CACNA1C: variants seen among roughly 807,000 people sequenced by gnomAD.
The protein encoded by CACNA1C is calcium voltage-gated channel subunit alpha1 C.
In CACNA1C, 30 loss-of-function variants were observed where a neutral mutation model predicts 229.0. The observed-to-expected ratio is 0.13, with a 90% CI of 0.10 to 0.18. The LOEUF (loss-of-function observed/expected upper bound fraction) is 0.18. CACNA1C is among the 10% of genes least tolerant of loss of function. The probability of loss-of-function intolerance (pLI) is 1.00; values close to 1 mark genes in which losing one functional copy is unlikely to be tolerated. For synonymous variants in CACNA1C, 1,114 were observed against 1,132.5 expected (o/e 0.98, Z 0.33); for missense variants, 1,658 against 2,845.0 (o/e 0.58, Z 9.49).
At chr12:2,522,289 A>G (rs1343089404) in intron 9 of CACNA1C, among the ~76,000 whole-genome samples, 2 of 151,084 alleles carry the variant, frequency 1.3e-5, no homozygotes, top group African/African-American at 4.9e-5. Flanking sequence ...CTTCTTATTC[A>G]CTCTCCCACT....
At position 2,410,544 on chromosome 12, in the gene CACNA1C, G is replaced by A. The variant is rs891787318; in HGVS notation, c.478-38432G>A. Among the ~76,000 whole-genome samples, 1 of 152,222 alleles carries A rather than the reference G, an allele frequency of 6.6e-6. No individual in the cohort carries two copies. The highest frequency in any genetic ancestry group is 2.4e-5 in the African/African-American group (1 of 41,464). ...TAAATGAGGAAAAAATATGCTTGGA[G>A]TAAAAAGCATCTGGACCCTGTGCAT... On this transcript the variant is annotated intron_variant, in intron 3 of 46. Coordinates refer to ENST00000399655, the MANE Select transcript of CACNA1C (RefSeq NM_000719.7). The surrounding 1 kb of genome is among the most constrained non-coding windows in gnomAD (Gnocchi z 5.3).
At chr12:2,650,321 G>A (rs2094819366) in intron 31 of CACNA1C, among the ~76,000 whole-genome samples, 1 of 152,200 alleles carries the variant, frequency 6.6e-6, no homozygotes, top group Non-Finnish European at 1.5e-5. Context: ...AGGCAGCGCA[G>A]TTAGAAGGGC....
At position 2,410,750 on chromosome 12, in the gene CACNA1C, A is replaced by G. The variant is rs1178200504; in HGVS notation, c.478-38226A>G. The stretch of plus-strand genomic sequence containing the variant: ...TGTGTGTGTGTGCATGCGTGTGTGT[A>G]TTCCAGGAGCTGACTCTAGTTGTCA... On this transcript the variant is annotated intron_variant, in intron 3 of 46. Transcript: ENST00000399655. The surrounding 1 kb of genome is among the most constrained non-coding windows in gnomAD (Gnocchi z 5.3). Among the ~76,000 whole-genome samples, 1 of 140,288 alleles carries G rather than the reference A, an allele frequency of 7.1e-6. No homozygotes were observed. Among genetic ancestry groups the G allele is most frequent in the South Asian group, 2.2e-4 (1 of 4,446 alleles). 92.0% of individuals were successfully genotyped at this position (140,288 alleles called of 152,430 possible).
chr12:2,009,068 G>C (rs918192685), intron 1 of CACNA1C, among the ~76,000 whole-genome samples: 6 of 152,178 alleles, frequency 3.9e-5, no homozygotes, highest in Admixed American at 6.5e-5. Flanking sequence ...TTGGCGCCCA[G>C]AGTGCTGGCG....
In CACNA1C at chr12:2,602,630, TTGTGTGTGTGTGTGTGTG is replaced by T. The variant is rs3062140; in HGVS notation, c.2960+693_2960+710del. ...GTGTGTGACTGTGTATATTTGTGTC[TTGTGTGTGTGTGTGTGTG>T]TGTGTGTGTGTGTGTGTGTGTGAGT... On this transcript the variant is annotated intron_variant, in intron 22 of 46. Transcript: ENST00000399655. The surrounding 1 kb of genome is among the most constrained non-coding windows in gnomAD (Gnocchi z 4.4). 2.9e-4 allele frequency among the ~76,000 whole-genome samples: 41 copies of T among 140,914 alleles called. No homozygotes were observed. The highest frequency in any genetic ancestry group is 9.9e-4 in the African/African-American group (36 of 36,232). The allele number at this position is 140,914 out of a possible 152,430, so 92.4% of individuals were successfully genotyped here. A position where few individuals can be genotyped will look rare whatever the true frequency, so the allele number is the denominator to read the frequency against.
intron 5 of CACNA1C, among the ~76,000 whole-genome samples, chr12:2,475,242 T>C (rs993352300): frequency 2.0e-5 from 3 of 151,110 alleles, no homozygotes; most frequent in African/African-American, 7.3e-5. Flanking sequence ...GAGCTTGCAG[T>C]GAGCCGAGAT....
intron 3 of CACNA1C, among the ~76,000 whole-genome samples, chr12:2,397,206 A>C (rs138596036): frequency 6.6e-6 from 1 of 152,104 alleles, no homozygotes; most frequent in Admixed American, 6.5e-5. Flanking sequence ...CCACACTTAA[A>C]CTCTGGGGAC....
At chr12:2,510,454 A>T (rs1165077375) in intron 8 of CACNA1C, among the ~76,000 whole-genome samples, 1 of 152,116 alleles carries the variant, frequency 6.6e-6, no homozygotes, top group Admixed American at 6.5e-5. Context: ...CTATGAGGAA[A>T]ATTATCTTCA....
chr12:2,055,194 C>A (rs1023042064), intron 1 of CACNA1C, among the ~76,000 whole-genome samples: 1 of 152,200 alleles, frequency 6.6e-6, no homozygotes, highest in Admixed American at 6.5e-5. Flanking sequence ...TCACCTGATC[C>A]CCTCTCCCTT....
chr12:2,294,100 G>A (rs2093778985), intron 3 of CACNA1C, among the ~76,000 whole-genome samples: 1 of 152,136 alleles, frequency 6.6e-6, no homozygotes, highest in South Asian at 2.1e-4. Flanking sequence ...CATCCACCTG[G>A]GAGATGGGCA....
At chr12:2,087,465 G>A (rs1474682044) in intron 1 of CACNA1C, among the ~76,000 whole-genome samples, 2 of 152,340 alleles carry the variant, frequency 1.3e-5, no homozygotes, top group East Asian at 3.9e-4. Context: ...AAGTATCCAT[G>A]CTGTATGTCC....
At chr12:2,588,938 T>C (rs949960811) in intron 18 of CACNA1C, among the ~76,000 whole-genome samples, 3 of 152,142 alleles carry the variant, frequency 2.0e-5, no homozygotes, top group Admixed American at 1.3e-4. Context: ...CTTTCATTGC[T>C]GCAGAGGGTT....
chr12:2,263,649 T>C (rs970276100), intron 3 of CACNA1C, among the ~76,000 whole-genome samples: 2 of 151,962 alleles, frequency 1.3e-5, no homozygotes, highest in African/African-American at 4.8e-5. Flanking sequence ...TGCTAGATCC[T>C]TGATACATTC....
chr12:2,332,996 C>T (rs888790734), intron 3 of CACNA1C, among the ~76,000 whole-genome samples: 7 of 152,144 alleles, frequency 4.6e-5, no homozygotes, highest in African/African-American at 1.2e-4. Flanking sequence ...GACTGTGTGA[C>T]GACAGTGTCT....
intron 3 of CACNA1C, among the ~76,000 whole-genome samples, chr12:2,344,024 T>C (rs911637069): frequency 1.3e-5 from 2 of 152,240 alleles, no homozygotes; most frequent in Non-Finnish European, 2.9e-5. Context: ...TGATCTGACA[T>C]TGATAGTTTG....
chr12:2,031,172 G>T (rs1018907562), intron 1 of CACNA1C, among the ~76,000 whole-genome samples: 1 of 152,166 alleles, frequency 6.6e-6, no homozygotes, highest in African/African-American at 2.4e-5. Flanking sequence ...GGGCATCCTT[G>T]GTTCTTGCCT....
At chr12:2,281,622 G>T (rs1044256148) in intron 3 of CACNA1C, among the ~76,000 whole-genome samples, 4 of 151,972 alleles carry the variant, frequency 2.6e-5, no homozygotes, top group African/African-American at 9.7e-5. Context: ...TCTTGCTTGT[G>T]TTGTTTCTAA....
intron 20 of CACNA1C, 154 bp downstream of exon 20, chr12:2,596,157 A>T: frequency 1.5e-6 from 1 of 673,514 alleles, no homozygotes; most frequent in Non-Finnish European, 2.3e-6. Flanking sequence ...TAGGGCTTTG[A>T]TAGAAAACCA....
chr12:2,281,116 C>A, intron 3 of CACNA1C, among the ~76,000 whole-genome samples: 1 of 126,844 alleles, frequency 7.9e-6, no homozygotes, highest in Non-Finnish European at 1.6e-5. Context: ...TCCCCCCGCC[C>A]CCACCCCACA....
Sources: gnomAD v4.1 joint callset for allele counts (sites outside exome capture counted in the v4.1 genomes callset) on GRCh38, gnomAD v4.1.1 for gene constraint, Gnocchi (gnomAD v3.1) non-coding constraint, MANE v1.5 for transcripts, NCBI Gene and HGNC (gene_info 2026-07-23, HGNC 2026-07-21) for gene names.